Variants in IKZF2 observed in about 807,000 individuals in gnomAD.
IKZF2 encodes the protein IKAROS family zinc finger 2.
IKZF2 carries 15 observed loss-of-function variants against 49.2 expected under a neutral mutation model. The observed-to-expected ratio is 0.30, with a 90% CI of 0.20 to 0.47. The LOEUF is 0.47. Among genes scored for constraint, IKZF2 ranks in the 20% least tolerant of loss-of-function variants. The pLI, the probability that IKZF2 is intolerant of heterozygous loss-of-function variation, is 1.00. For synonymous variants in IKZF2, 227 were observed against 221.4 expected (o/e 1.03, Z -0.23); for missense variants, 567 against 664.6 (o/e 0.85, Z 1.61).
At chr2:213,083,551 CTTTTTTT>C (rs35297007) in intron 4 of IKZF2, among the ~76,000 whole-genome samples, 1,704 of 94,018 alleles carry the variant, frequency 0.018, 57 homozygotes, top group African/African-American at 0.064. Context: ...ACCAGGCTAA[CTTTTTTT>C]TTTTTTTTTT....
intron 6 of IKZF2, among the ~76,000 whole-genome samples, chr2:213,047,710 G>A (rs1700288662): frequency 6.6e-6 from 1 of 152,060 alleles, no homozygotes; most frequent in Admixed American, 6.6e-5. Context: ...ATGATTTGGA[G>A]CTGTTGCTAT....
At chr2:213,149,067 T>C (rs1356873996) in intron 2 of IKZF2, among the ~76,000 whole-genome samples, 1 of 152,168 alleles carries the variant, frequency 6.6e-6, no homozygotes, top group Admixed American at 6.5e-5. Flanking sequence ...TGTTGCAAGT[T>C]GGTTCATCAT....
chr2:213,009,932 G>A (rs1483481889), intron 8 of IKZF2, among the ~76,000 whole-genome samples: 1 of 152,088 alleles, frequency 6.6e-6, no homozygotes, highest in Non-Finnish European at 1.5e-5. Context: ...CTTCAATAAG[G>A]CTGAGAGTAG....
At chr2:213,040,702 G>A (rs984450236) in intron 6 of IKZF2, among the ~76,000 whole-genome samples, 1 of 152,024 alleles carries the variant, frequency 6.6e-6, no homozygotes, top group Non-Finnish European at 1.5e-5. Context: ...TATATATAAT[G>A]TACAAAATAT....
chr2:213,095,506 T>TA (rs558814119), intron 4 of IKZF2, among the ~76,000 whole-genome samples: 20 of 152,004 alleles, frequency 1.3e-4, no homozygotes, highest in Non-Finnish European at 2.5e-4. Context: ...TGAAGAGCTT[T>TA]AAAAAATAAA....
At chr2:213,138,634 C>A (rs1250276771) in intron 4 of IKZF2, among the ~76,000 whole-genome samples, 1 of 151,978 alleles carries the variant, frequency 6.6e-6, no homozygotes, top group African/African-American at 2.4e-5. Context: ...CCATTTTCCC[C>A]AAAGATTCAC....
chr2:213,088,557 G>C (rs1704933611), intron 4 of IKZF2, among the ~76,000 whole-genome samples: 1 of 152,106 alleles, frequency 6.6e-6, no homozygotes, highest in Non-Finnish European at 1.5e-5. Context: ...TCAAGAGTTT[G>C]AAACCAGCCT....
intron 4 of IKZF2, among the ~76,000 whole-genome samples, chr2:213,062,945 A>T (rs1354821560): frequency 6.6e-6 from 1 of 152,056 alleles, no homozygotes; most frequent in Non-Finnish European, 1.5e-5. Context: ...ATTTACTAAG[A>T]ATTTACCAAC....
At chr2:213,130,616 C>G (rs1443660172) in intron 4 of IKZF2, among the ~76,000 whole-genome samples, 1 of 152,168 alleles carries the variant, frequency 6.6e-6, no homozygotes, top group Non-Finnish European at 1.5e-5. Context: ...CAGAAAATTA[C>G]AGATTGATTA....
intron 4 of IKZF2, among the ~76,000 whole-genome samples, chr2:213,079,034 T>C (rs1162814412): frequency 6.6e-6 from 1 of 152,144 alleles, no homozygotes; most frequent in Non-Finnish European, 1.5e-5. Flanking sequence ...GCTGCTATTG[T>C]TGTTGCTGTC....
chr2:213,120,452 A>T (rs1433203693), intron 4 of IKZF2, among the ~76,000 whole-genome samples: 1 of 152,262 alleles, frequency 6.6e-6, no homozygotes, highest in Non-Finnish European at 1.5e-5. Context: ...TATATTCAAG[A>T]CATGGCAAGT....
intron 6 of IKZF2, among the ~76,000 whole-genome samples, chr2:213,026,403 C>T (rs1697826419): frequency 6.6e-6 from 1 of 152,156 alleles, no homozygotes; most frequent in Admixed American, 6.6e-5. Context: ...CACTAATTTT[C>T]ATCTCCATGT....
chr2:213,048,114 A>T (rs1298639740), intron 6 of IKZF2, among the ~76,000 whole-genome samples: 1 of 152,088 alleles, frequency 6.6e-6, no homozygotes, highest in East Asian at 1.9e-4. Context: ...GCTCTTGGTG[A>T]TGCAGTAGCT....
chr2:213,075,192 C>T (rs1443494742), intron 4 of IKZF2, among the ~76,000 whole-genome samples: 4 of 152,084 alleles, frequency 2.6e-5, no homozygotes, highest in African/African-American at 9.7e-5. Context: ...CATTTATTAA[C>T]ATTAAATATG....
intron 4 of IKZF2, among the ~76,000 whole-genome samples, chr2:213,121,954 C>A (rs926136647): frequency 2.0e-5 from 3 of 151,920 alleles, no homozygotes; most frequent in African/African-American, 7.3e-5. Context: ...GAGAGAAGTG[C>A]AGAAATAAAT....
At chr2:213,151,736 C>CGGCGGCGGGCGGCT (rs1553606343), upstream of IKZF2, 16 of 146,708 alleles carry the variant, frequency 1.1e-4, no homozygotes, top group South Asian at 1.8e-4. Flanking sequence ...GCGGCGGCGG[C>CGGCGGCGGGCGGCT]GGCGGCGGGC....
chr2:213,095,975 T>C (rs1705929283), intron 4 of IKZF2, among the ~76,000 whole-genome samples: 1 of 151,962 alleles, frequency 6.6e-6, no homozygotes, highest in East Asian at 1.9e-4. Flanking sequence ...TTGATAGTCA[T>C]AAGTAACCCA....
chr2:213,053,940 C>T (rs986948331), intron 5 of IKZF2, among the ~76,000 whole-genome samples: 1 of 152,102 alleles, frequency 6.6e-6, no homozygotes, highest in Non-Finnish European at 1.5e-5. Context: ...GATGGTTGTG[C>T]ATCTTTTTTC....
rs1005339435 is a variant in IKZF2 at position 213,081,231 on chromosome 2, T to C, written c.140-24132A>G. The stretch of plus-strand genomic sequence containing the variant: ...AACAAACTGGAGCATGGCCCAAAGG[T>C]AGGTACACTGAAATCAGGATATTAG... On this transcript the variant is annotated intron_variant, in intron 4 of 8. Transcript: ENST00000434687. The C allele has an allele frequency of 6.6e-5, 10 of 152,046 alleles. 1 individual carries two copies. Among genetic ancestry groups the C allele is most frequent in the African/African-American group, 2.5e-4 (10 of 40,516 alleles). 9.4% of individuals were successfully genotyped at this position (152,046 alleles called of 1,614,324 possible).
Sources: gnomAD v4.1 joint callset for allele counts (sites outside exome capture counted in the v4.1 genomes callset) on GRCh38, gnomAD v4.1.1 for gene constraint, MANE v1.5 for transcripts, NCBI Gene and HGNC (gene_info 2026-07-23, HGNC 2026-07-21) for gene names.